Variants in SYN2 observed in about 807,000 individuals in gnomAD.
SYN2 encodes synapsin II.
A neutral mutation model predicts 50.9 loss-of-function variants in SYN2; 19 were observed. The observed-to-expected ratio is 0.37, with a 90% CI of 0.26 to 0.55. SYN2 has a LOEUF of 0.55. Among genes scored for constraint, SYN2 ranks in the 20% least tolerant of loss-of-function variants. The pLI is 0.81. For missense variants in SYN2, 587 were observed against 576.4 expected (o/e 1.02, Z -0.19); for synonymous variants, 255 against 224.9 (o/e 1.13, Z -1.20).
chr3:12,150,381 G>C (rs993922841), intron 4 of SYN2, among the ~76,000 whole-genome samples: 2 of 152,216 alleles, frequency 1.3e-5, no homozygotes, highest in Non-Finnish European at 2.9e-5. Context: ...CTACTTGCAG[G>C]AATAAGGAGA....
intron 1 of SYN2, among the ~76,000 whole-genome samples, chr3:12,021,633 G>A (rs1163196562): frequency 6.6e-6 from 1 of 152,150 alleles, no homozygotes; most frequent in African/African-American, 2.4e-5. Flanking sequence ...TCTTTTGGCA[G>A]TTTGTTTGTT....
chr3:12,014,035 A>G (rs1199474139), intron 1 of SYN2, among the ~76,000 whole-genome samples: 1 of 152,162 alleles, frequency 6.6e-6, no homozygotes, highest in Non-Finnish European at 1.5e-5. Flanking sequence ...ACTCTTCTCT[A>G]ACTCTCTAGA....
At position 12,153,316 on chromosome 3, in the gene SYN2, G is replaced by A. The variant is rs111600647; in HGVS notation, c.774+1990G>A. On this transcript the variant is annotated intron_variant, in intron 5 of 12. Transcript: ENST00000621198. ...ACAAGGCTAGACTAATGGGGTTTGG[G>A]AGGCAGGGGCAACAGGCTGAGGGCA... 2.9e-5 allele frequency: 18 copies of A among 622,614 alleles called. No homozygotes were observed. The African/African-American group carries it at 3.1e-4, about 11-fold the overall frequency. 38.6% of individuals were successfully genotyped at this position (622,614 alleles called of 1,614,324 possible).
In SYN2 at chr3:12,162,081, A is replaced by G. The variant is rs753592615; in HGVS notation, c.907A>G (p.Thr303Ala). ...SVVALTQTYA[T>A]AEPFIDSKYD... ...GGTGGCTCTCACCCAGACCTATGCC[A>G]CTGCAGAGCCTTTCATTGACTCCAA... The change falls in exon 7 of 13, where the codon ACT becomes GCT. Residue 303 changes from threonine (T) to alanine (A), a missense_variant. By Grantham distance (58) the Thr-to-Ala change is moderately conservative. Transcript: ENST00000621198. 8 of 1,613,968 alleles carry G rather than the reference A, an allele frequency of 5.0e-6. No individual in the cohort carries two copies. Among genetic ancestry groups the G allele is most frequent in the Non-Finnish European group, 5.1e-6 (6 of 1,179,958 alleles).
intron 1 of SYN2, among the ~76,000 whole-genome samples, chr3:12,136,474 GAACCTA>G (rs1429982004): frequency 6.6e-6 from 1 of 152,168 alleles, no homozygotes; most frequent in Admixed American, 6.5e-5. Flanking sequence ...AAGTAGGCCT[GAACCTA>G]GCTTCCCTGG....
intron 4 of SYN2, 144 bp downstream of exon 4, chr3:12,145,979 A>C: frequency 8.4e-7 from 1 of 1,186,808 alleles, no homozygotes; most frequent in East Asian, 2.4e-5. Flanking sequence ...GGTCCTCAAG[A>C]TGCAGTTGGC....
chr3:12,159,758 G>A (rs1371444816), intron 5 of SYN2, among the ~76,000 whole-genome samples: 1 of 152,126 alleles, frequency 6.6e-6, no homozygotes, highest in East Asian at 1.9e-4. Flanking sequence ...AAACAAAGAA[G>A]CAGGCTGGGC....
intron 1 of SYN2, among the ~76,000 whole-genome samples, chr3:12,094,380 T>G (rs1352923917): frequency 2.6e-5 from 4 of 152,186 alleles, no homozygotes; most frequent in Non-Finnish European, 4.4e-5. Context: ...TACTAGGCAC[T>G]GTGATATGTA....
intron 1 of SYN2, among the ~76,000 whole-genome samples, chr3:12,058,372 ATCAGAAC>A (rs1391260770): frequency 1.3e-5 from 2 of 152,230 alleles, no homozygotes; most frequent in African/African-American, 4.8e-5. Flanking sequence ...TACTAAAGGA[ATCAGAAC>A]TCAGAATTTT....
At chr3:12,010,417 A>G (rs78866461) in intron 1 of SYN2, among the ~76,000 whole-genome samples, 7,280 of 152,332 alleles carry the variant, frequency 0.048, 246 homozygotes, top group East Asian at 0.14. Flanking sequence ...GTCTATTGGA[A>G]TCGTCCAGTC....
chr3:12,179,377 A>G (rs921538059), intron 10 of SYN2, among the ~76,000 whole-genome samples: 4 of 13,000 alleles, frequency 3.1e-4, no homozygotes, highest in South Asian at 3.8e-3. Context: ...ACTGAAAGAA[A>G]AAAAAAAAAA....
intron 1 of SYN2, among the ~76,000 whole-genome samples, chr3:12,101,138 C>T (rs1471084824): frequency 6.6e-6 from 1 of 152,086 alleles, no homozygotes; most frequent in East Asian, 1.9e-4. Context: ...AGTGTATAAC[C>T]AAGAGAACTG....
intron 1 of SYN2, among the ~76,000 whole-genome samples, chr3:12,108,467 G>A (rs1453781285): frequency 2.0e-5 from 3 of 152,146 alleles, no homozygotes; most frequent in Non-Finnish European, 4.4e-5. Flanking sequence ...TTTTGTAGAA[G>A]GTGGCTGTAA....
chr3:12,032,932 G>A (rs201108870), intron 1 of SYN2, among the ~76,000 whole-genome samples: 4,433 of 104,910 alleles, frequency 0.042, 139 homozygotes, highest in East Asian at 0.13. Flanking sequence ...GAGGAACTGC[G>A]TTCCTTTGGA....
rs1285336200 is a variant in SYN2 at position 12,092,413 on chromosome 3, T to G, written c.378-48238T>G. Reference sequence around the variant, plus strand: ...GGAATACAAATGAGAGCAATTAACCTCTCATCTGTGAGAGAAAGGCTTGTA... The same window carrying G: ...GGAATACAAATGAGAGCAATTAACCGCTCATCTGTGAGAGAAAGGCTTGTA... On this transcript the variant is annotated intron_variant, in intron 1 of 12. Transcript: ENST00000621198. Among the ~76,000 whole-genome samples the G allele has an allele frequency of 3.9e-5, 6 of 152,112 alleles. No individual in the cohort carries two copies. In the East Asian group the frequency reaches 1.2e-3, roughly 29 times the overall value.
chr3:12,019,717 T>C (rs1290333640), intron 1 of SYN2, among the ~76,000 whole-genome samples: 1 of 152,230 alleles, frequency 6.6e-6, no homozygotes, highest in Non-Finnish European at 1.5e-5. Flanking sequence ...CTTTACAATT[T>C]ATGTACTTTG....
At chr3:12,135,269 T>G (rs1696873677) in intron 1 of SYN2, among the ~76,000 whole-genome samples, 1 of 152,160 alleles carries the variant, frequency 6.6e-6, no homozygotes, top group Non-Finnish European at 1.5e-5. Context: ...CAGGAAGGCA[T>G]GATTTTTACC....
intron 1 of SYN2, among the ~76,000 whole-genome samples, chr3:12,006,377 G>A (rs116073808): frequency 0.022 from 3,284 of 152,266 alleles, 134 homozygotes; most frequent in African/African-American, 0.074. Flanking sequence ...ATATGATAGT[G>A]CCACTGGCAG....
At chr3:12,047,589 A>T (rs1694767224) in intron 1 of SYN2, among the ~76,000 whole-genome samples, 1 of 152,108 alleles carries the variant, frequency 6.6e-6, no homozygotes, top group South Asian at 2.1e-4. Flanking sequence ...TGAGCTCATT[A>T]AGGGTTTTTG....
Sources: allele counts gnomAD v4.1 joint callset (sites outside exome capture counted in the v4.1 genomes callset), GRCh38; gene constraint gnomAD v4.1.1; transcripts MANE v1.5; gene names NCBI Gene and HGNC (gene_info 2026-07-23, HGNC 2026-07-21).